IFFO2: variants seen among roughly 807,000 people sequenced by gnomAD.
IFFO2 encodes intermediate filament family orphan 2.
Under a neutral mutation model 53.5 loss-of-function variants are expected in IFFO2, and 19 were observed. That is an observed-to-expected ratio of 0.36 (90% confidence interval 0.25 to 0.52). The LOEUF (loss-of-function observed/expected upper bound fraction) is 0.52, where lower values mean the gene tolerates loss of function less well. Ranked by LOEUF, IFFO2 falls within the 20% of genes least tolerant of loss-of-function variation. The pLI is 0.94. For missense variants in IFFO2, 570 were observed against 727.4 expected (o/e 0.78, Z 2.49); for synonymous variants, 303 against 313.6 (o/e 0.97, Z 0.36).
At position 18,918,256 on chromosome 1, in the gene IFFO2, G is replaced by C; in HGVS notation, c.963+106C>G. On this transcript the variant is annotated intron_variant, in intron 4 of 8. Transcript: ENST00000455833. This position sits in a 1 kb window ranked among gnomAD's most constrained non-coding sequence, Gnocchi z 5.2. ...GTGCTACCTCTCGGGGAAGGGGAGG[G>C]AGTGAGTGGGATGTGGAGGCAAACG... 9.5e-7 allele frequency: 1 copy of C among 1,057,868 alleles called. No individual in the cohort carries two copies. The highest frequency in any genetic ancestry group is 1.4e-6 in the Non-Finnish European group (1 of 720,584). 65.5% of individuals were successfully genotyped at this position (1,057,868 alleles called of 1,614,324 possible).
chr1:18,944,688 A>G (rs1304781996), intron 1 of IFFO2, among the ~76,000 whole-genome samples: 2 of 152,166 alleles, frequency 1.3e-5, no homozygotes, highest in Non-Finnish European at 2.9e-5. Context: ...ACATGCGTGT[A>G]TACACACACA....
intron 1 of IFFO2, among the ~76,000 whole-genome samples, chr1:18,946,362 G>A (rs1425404214): frequency 6.6e-6 from 1 of 151,638 alleles, no homozygotes; most frequent in African/African-American, 2.4e-5. Context: ...GTTTAAGGTT[G>A]GAACTGGAAC....
intron 1 of IFFO2, among the ~76,000 whole-genome samples, chr1:18,934,925 A>G (rs886964860): frequency 6.6e-5 from 10 of 152,300 alleles, no homozygotes; most frequent in Admixed American, 5.2e-4. Flanking sequence ...GTACCCTCAC[A>G]TTTGCATATG....
intron 2 of IFFO2, among the ~76,000 whole-genome samples, chr1:18,920,463 C>T (rs993551360): frequency 6.6e-6 from 1 of 152,238 alleles, no homozygotes; most frequent in Admixed American, 6.5e-5. Context: ...CATGGGGTTG[C>T]TACTCTTGCT....
Position 18,917,127 on chromosome 1 carries a change from C to G in IFFO2, c.964-85G>C. 6.9e-7 allele frequency: 1 copy of G among 1,445,350 alleles called. No homozygotes were observed. The highest frequency in any genetic ancestry group is 1.3e-5 in the South Asian group (1 of 77,512). The allele number at this position is 1,445,350 out of a possible 1,614,324, so 89.5% of individuals were successfully genotyped here. A position where few individuals can be genotyped will look rare whatever the true frequency, so the allele number is the denominator to read the frequency against. On this transcript the variant is annotated intron_variant, in intron 4 of 8. Transcript: ENST00000455833. This position sits in a 1 kb window ranked among gnomAD's most constrained non-coding sequence, Gnocchi z 5.9. Reference sequence around the variant, plus strand: ...GGTGAACTGGGAAGGGAGCCGGCATCTCACAGGATGATGAGCGTGACTGGG... The same window carrying G: ...GGTGAACTGGGAAGGGAGCCGGCATGTCACAGGATGATGAGCGTGACTGGG...
intron 1 of IFFO2, among the ~76,000 whole-genome samples, chr1:18,921,598 A>G (rs1456049113): frequency 1.3e-5 from 2 of 152,174 alleles, no homozygotes; most frequent in Non-Finnish European, 2.9e-5. Context: ...TACCCAAACC[A>G]ACACAGATCT....
chr1:18,925,894 T>TGG (rs1204582314), intron 1 of IFFO2, among the ~76,000 whole-genome samples: 1 of 12,026 alleles, frequency 8.3e-5, no homozygotes, highest in South Asian at 2.8e-3. Context: ...GATGGATGGA[T>TGG]TGGATGGATT....
intron 6 of IFFO2, 62 bp from the exon 7 acceptor site, chr1:18,911,538 T>TATTC (rs1483759700): frequency 5.4e-6 from 4 of 738,756 alleles, no homozygotes; most frequent in Middle Eastern, 9.2e-4. Context: ...TTTATTTATT[T>TATTC]ATTTATTTAT....
In IFFO2 at chr1:18,905,481, T is replaced by C. The variant is rs1007575280; in HGVS notation, c.*3080A>G. On this transcript the variant is annotated 3_prime_UTR_variant, in exon 9 of 9. Coordinates refer to ENST00000455833, the MANE Select transcript of IFFO2 (RefSeq NM_001136265.2). The stretch of plus-strand genomic sequence containing the variant: ...ATTACATTTAGCTTAAGTTACATCT[T>C]ATATTCTCCCCCACCCCACCCCCTC... 1 of 152,014 alleles carries C rather than the reference T, an allele frequency of 6.6e-6. No individual in the cohort carries two copies. Among genetic ancestry groups the C allele is most frequent in the Non-Finnish European group, 1.5e-5 (1 of 68,006 alleles). The allele number at this position is 152,014 out of a possible 1,614,324, so 9.4% of individuals were successfully genotyped here. A position where few individuals can be genotyped will look rare whatever the true frequency, so the allele number is the denominator to read the frequency against.
At position 18,919,812 on chromosome 1, in the gene IFFO2, G is replaced by A. The variant is rs1194301608; in HGVS notation, c.727-39C>T. On this transcript the variant is annotated intron_variant, in intron 2 of 8. Transcript: ENST00000455833. This position sits in a 1 kb window ranked among gnomAD's most constrained non-coding sequence, Gnocchi z 4.9. ...GATGGGGAGGCTTCAGAGGGGCCGG[G>A]TCCTCTGGGGATAGGAGGGTCTGGA... 3 of 1,400,660 alleles carry A rather than the reference G, an allele frequency of 2.1e-6. No homozygotes were observed. Among genetic ancestry groups the A allele is most frequent in the Non-Finnish European group, 2.0e-6 (2 of 1,011,178 alleles). The allele number at this position is 1,400,660 out of a possible 1,614,324, so 86.8% of individuals were successfully genotyped here.
At chr1:18,915,737 G>A (rs973923694) in intron 5 of IFFO2, among the ~76,000 whole-genome samples, 1 of 152,108 alleles carries the variant, frequency 6.6e-6, no homozygotes, top group African/African-American at 2.4e-5. Context: ...CCCTCCAAGC[G>A]AACATCAGGA....
At chr1:18,939,872 G>T (rs1288643002) in intron 1 of IFFO2, among the ~76,000 whole-genome samples, 1 of 152,218 alleles carries the variant, frequency 6.6e-6, no homozygotes, top group Non-Finnish European at 1.5e-5. Flanking sequence ...TCTCAGAAAG[G>T]GTTCTGGAAT....
At chr1:18,955,611 G>C (rs900517572) in intron 1 of IFFO2, 57 bp downstream of exon 1, 8 of 1,503,570 alleles carry the variant, frequency 5.3e-6, no homozygotes, top group Admixed American at 2.2e-5. Flanking sequence ...CGCATTCCGC[G>C]GCAGCCTGGA....
intron 1 of IFFO2, among the ~76,000 whole-genome samples, chr1:18,923,429 C>A (rs1936241786): frequency 6.6e-6 from 1 of 152,222 alleles, no homozygotes; most frequent in Non-Finnish European, 1.5e-5. Flanking sequence ...AAGGTGACAG[C>A]AGGAGCCCAG....
intron 1 of IFFO2, among the ~76,000 whole-genome samples, chr1:18,948,392 C>T (rs1203329903): frequency 6.6e-6 from 1 of 152,220 alleles, no homozygotes; most frequent in African/African-American, 2.4e-5. Flanking sequence ...TTCCCACTGT[C>T]CCCATTCCCA....
In IFFO2 at chr1:18,956,673, C is replaced by G. The variant is rs1274471298; in HGVS notation, c.-341G>C. On this transcript the variant is annotated 5_prime_UTR_variant, in exon 1 of 9. Coordinates refer to ENST00000455833, the MANE Select transcript of IFFO2 (RefSeq NM_001136265.2). The surrounding 1 kb of genome is among the most constrained non-coding windows in gnomAD (Gnocchi z 6.4). The stretch of plus-strand genomic sequence containing the variant: ...CCGCACGCAGAGGACTCTCGGCCGG[C>G]ACTGCCCCTTCTGCGGCGGGCCCCG... 6.6e-6 allele frequency: 1 copy of G among 152,196 alleles called. No homozygotes were observed. Among genetic ancestry groups the G allele is most frequent in the African/African-American group, 2.4e-5 (1 of 41,418 alleles). The allele number at this position is 152,196 out of a possible 1,614,324, so 9.4% of individuals were successfully genotyped here. A position where few individuals can be genotyped will look rare whatever the true frequency, so the allele number is the denominator to read the frequency against.
intron 1 of IFFO2, among the ~76,000 whole-genome samples, chr1:18,941,048 G>A (rs902149503): frequency 2.6e-5 from 4 of 152,196 alleles, no homozygotes; most frequent in Non-Finnish European, 5.9e-5. Flanking sequence ...TGCCCACTCT[G>A]CCACTCTCTA....
rs1003484467 is a variant in IFFO2 at position 18,917,556 on chromosome 1, C to T, written c.964-514G>A. On this transcript the variant is annotated intron_variant, in intron 4 of 8. Coordinates refer to ENST00000455833, the MANE Select transcript of IFFO2 (RefSeq NM_001136265.2). This position sits in a 1 kb window ranked among gnomAD's most constrained non-coding sequence, Gnocchi z 5.9. ...GGCTGCGTTGGCCTCCCCTGCTTCC[C>T]GGCAGAGGGACAGCAAGAAGGCATG... is the stretch of plus-strand genomic sequence containing the variant. Among the ~76,000 whole-genome samples, 1 of 152,188 alleles carries T rather than the reference C, an allele frequency of 6.6e-6. No individual in the cohort carries two copies. The highest frequency in any genetic ancestry group is 2.4e-5 in the African/African-American group (1 of 41,436).
At position 18,904,389 on chromosome 1, in the gene IFFO2, G is replaced by A. The variant is rs999316354; in HGVS notation, c.*4172C>T. On this transcript the variant is annotated 3_prime_UTR_variant, in exon 9 of 9. Transcript: ENST00000455833. ...AGGTTGGTTTCCGGTAGGATCAGTA[G>A]TCTTTCCATGAGTATAAATCCCCCC... 6.6e-6 allele frequency: 1 copy of A among 152,224 alleles called. No homozygotes were observed. Among genetic ancestry groups the A allele is most frequent in the African/African-American group, 2.4e-5 (1 of 41,446 alleles). 9.4% of individuals were successfully genotyped at this position (152,224 alleles called of 1,614,324 possible).
Sources: allele counts gnomAD v4.1 joint callset (sites outside exome capture counted in the v4.1 genomes callset), GRCh38; gene constraint gnomAD v4.1.1; non-coding constraint Gnocchi (gnomAD v3.1); transcripts MANE v1.5; gene names NCBI Gene and HGNC (gene_info 2026-07-23, HGNC 2026-07-21).